RASGRP4: variants seen among roughly 807,000 people sequenced by gnomAD.
RASGRP4 encodes RAS guanyl-releasing protein 4.
A neutral mutation model predicts 84.4 loss-of-function variants in RASGRP4; 52 were observed. That is an observed-to-expected ratio of 0.62 (90% CI 0.49 to 0.78). RASGRP4 has a LOEUF of 0.78. Ranked by LOEUF, RASGRP4 falls within the 30% of genes least tolerant of loss-of-function variation. The probability of loss-of-function intolerance (pLI) is 0.00; values close to 1 mark genes in which losing one functional copy is unlikely to be tolerated. For missense variants in RASGRP4, 760 were observed against 886.9 expected, an observed-to-expected ratio of 0.86 and a Z score of 1.82; for synonymous variants, 356 against 359.1, an observed-to-expected ratio of 0.99 and a Z score of 0.10.
Position 38,412,662 on chromosome 19 carries a change from G to C in RASGRP4, c.1680+10C>G. Reference sequence around the variant, plus strand: ...GGAACCTAAGGGTGGTGATGGGGTGGGGTGCTCACGAAGCCACTGCAGCTG... The same window carrying C: ...GGAACCTAAGGGTGGTGATGGGGTGCGGTGCTCACGAAGCCACTGCAGCTG... On this transcript the variant is annotated intron_variant, in intron 13 of 16. Coordinates refer to ENST00000615439, the MANE Select transcript of RASGRP4 (RefSeq NM_170604.3). The surrounding 1 kb of genome is among the most constrained non-coding windows in gnomAD (Gnocchi z 4.6). The C allele has an allele frequency of 6.2e-7, 1 of 1,611,466 alleles. No individual in the cohort carries two copies. The highest frequency in any genetic ancestry group is 8.5e-7 in the Non-Finnish European group (1 of 1,178,692).
rs546417085 is a variant in RASGRP4, at chr19:38,412,456, A to C, written c.1680+216T>G. On this transcript the variant is annotated intron_variant, in intron 13 of 16. Coordinates refer to ENST00000615439, the MANE Select transcript of RASGRP4 (RefSeq NM_170604.3). The surrounding 1 kb of genome is among the most constrained non-coding windows in gnomAD (Gnocchi z 4.6). ...GAGTTTTAGGTATTATCCATGGTTC[A>C]GCAATTGTCTGGGGTGGACATTATC... 2.1e-4 allele frequency: 121 copies of C among 576,656 alleles called. No homozygotes were observed. Among genetic ancestry groups the C allele is most frequent in the Non-Finnish European group, 2.6e-4 (85 of 327,762 alleles). 35.7% of individuals were successfully genotyped at this position (576,656 alleles called of 1,614,324 possible). A position where few individuals can be genotyped will look rare whatever the true frequency, so the allele number is the denominator to read the frequency against.
chr19:38,426,043 G>A (rs1412269533), intron 1 of RASGRP4, 26 bp downstream of exon 1: 2 of 1,365,084 alleles, frequency 1.5e-6, no homozygotes, highest in South Asian at 2.0e-5. Context: ...GGGTGCTGCC[G>A]GGCTCCCTGG....
At position 38,412,493 on chromosome 19, in the gene RASGRP4, G is replaced by T. The variant is rs867529775; in HGVS notation, c.1680+179C>A. On this transcript the variant is annotated intron_variant, in intron 13 of 16. Transcript: ENST00000615439. This position sits in a 1 kb window ranked among gnomAD's most constrained non-coding sequence, Gnocchi z 4.6. ...GGGTGGACATTATCTGGGATTTTGG[G>T]ATTATCTGGCATTTGGAGATTATCC... 5 of 641,066 alleles carry T rather than the reference G, an allele frequency of 7.8e-6. No individual in the cohort carries two copies. Among genetic ancestry groups the T allele is most frequent in the Middle Eastern group, 8.4e-4 (2 of 2,368 alleles). 39.7% of individuals were successfully genotyped at this position (641,066 alleles called of 1,614,324 possible).
At chr19:38,420,333 T>C in intron 4 of RASGRP4, 71 bp from the exon 5 acceptor site, 1 of 1,539,468 alleles carries the variant, frequency 6.5e-7, no homozygotes, top group Admixed American at 2.0e-5. Context: ...TATTTTGGGC[T>C]GAGGAATTTC....
At chr19:38,424,782 T>G (rs1442270715) in intron 1 of RASGRP4, among the ~76,000 whole-genome samples, 1 of 152,112 alleles carries the variant, frequency 6.6e-6, no homozygotes, top group African/African-American at 2.4e-5. Context: ...AGGAGCATTC[T>G]AACTAAGTCA....
At chr19:38,422,439 T>A (rs925519531) in intron 1 of RASGRP4, among the ~76,000 whole-genome samples, 13 of 152,148 alleles carry the variant, frequency 8.5e-5, no homozygotes, top group African/African-American at 2.4e-4. Context: ...CCCCAGCCCC[T>A]GGGACACAGA....
chr19:38,419,519 G>A (rs899918362), intron 6 of RASGRP4, among the ~76,000 whole-genome samples: 13 of 152,052 alleles, frequency 8.5e-5, no homozygotes, highest in Non-Finnish European at 1.3e-4. Flanking sequence ...TGTAATCTCC[G>A]CCTCCTGAGG....
chr19:38,425,175 C>A (rs1433957638), intron 1 of RASGRP4, among the ~76,000 whole-genome samples: 1 of 147,254 alleles, frequency 6.8e-6, no homozygotes, highest in East Asian at 2.0e-4. Flanking sequence ...CAGAGCGAGA[C>A]TCCGTCTCAA....
At chr19:38,416,571 C>T (rs1350423772) in intron 8 of RASGRP4, among the ~76,000 whole-genome samples, 2 of 151,950 alleles carry the variant, frequency 1.3e-5, no homozygotes, top group Non-Finnish European at 2.9e-5. Flanking sequence ...TCTTGGCCTC[C>T]CAAAACGCTG....
In RASGRP4 at chr19:38,410,029, C is replaced by T. The variant is rs569997501; in HGVS notation, c.*11G>A. 6 of 1,608,722 alleles carry T rather than the reference C, an allele frequency of 3.7e-6. No individual in the cohort carries two copies. In the South Asian group the frequency reaches 4.4e-5, roughly 12 times the overall value. Reference sequence around the variant, plus strand: ...GGAAGGGAGTGAGGAAGAGAGGAGACCAAGAGATGTCTAGGAATCCAGCTT... The same window carrying T: ...GGAAGGGAGTGAGGAAGAGAGGAGATCAAGAGATGTCTAGGAATCCAGCTT... On this transcript the variant is annotated 3_prime_UTR_variant, in exon 17 of 17. Coordinates refer to ENST00000615439, the MANE Select transcript of RASGRP4 (RefSeq NM_170604.3).
chr19:38,419,643 A>G (rs749025082), intron 6 of RASGRP4, among the ~76,000 whole-genome samples: 2 of 152,214 alleles, frequency 1.3e-5, no homozygotes, highest in Admixed American at 6.5e-5. Flanking sequence ...CATGTTGGCC[A>G]GGCTGGTCTC....
At chr19:38,410,864 G>C in intron 16 of RASGRP4, 22 bp downstream of exon 16, 1 of 1,528,832 alleles carries the variant, frequency 6.5e-7, no homozygotes, top group South Asian at 1.2e-5. Flanking sequence ...TCCACTTGGG[G>C]GTAGGGGCGG....
chr19:38,422,186 C>T lies in RASGRP4; in HGVS notation c.24-33G>A, dbSNP rs78529732. The T allele has an allele frequency of 5.1e-6, 8 of 1,569,924 alleles. No homozygotes were observed. In the African/African-American group the frequency reaches 1.1e-4, roughly 21 times the overall value. ...CACAGCCCCCAAGGAGTCATGGGAG[C>T]ACCTTCTTTCGGACAGACCCTAGAA... On this transcript the variant is annotated intron_variant, in intron 1 of 16. Transcript: ENST00000615439.
intron 1 of RASGRP4, among the ~76,000 whole-genome samples, chr19:38,425,820 T>C (rs1220617031): frequency 2.0e-5 from 3 of 151,502 alleles, no homozygotes; most frequent in Admixed American, 6.6e-5. Flanking sequence ...GGGATGGAGG[T>C]GGGGTGATGA....
chr19:38,422,707 A>G (rs1265653879), intron 1 of RASGRP4, among the ~76,000 whole-genome samples: 1 of 152,090 alleles, frequency 6.6e-6, no homozygotes, highest in Non-Finnish European at 1.5e-5. Context: ...GGGAGCATCC[A>G]GTTGCAGGAA....
intron 4 of RASGRP4, 121 bp from the exon 5 acceptor site, chr19:38,420,383 T>G: frequency 7.6e-5 from 76 of 994,790 alleles, no homozygotes; most frequent in Middle Eastern, 6.7e-4. Flanking sequence ...TGTGTGGGGG[T>G]CCCTGGAGGG....
chr19:38,419,734 T>A, intron 6 of RASGRP4, 126 bp downstream of exon 6: 1 of 1,006,704 alleles, frequency 9.9e-7, no homozygotes, highest in Non-Finnish European at 1.5e-6. Context: ...AGGTTTGAGT[T>A]TAAGACTTTG....
At chr19:38,422,585 G>A (rs1291554625) in intron 1 of RASGRP4, among the ~76,000 whole-genome samples, 1 of 151,970 alleles carries the variant, frequency 6.6e-6, no homozygotes, top group Non-Finnish European at 1.5e-5. Flanking sequence ...CACATGCGAG[G>A]GATCTAGGCT....
Position 38,412,703 on chromosome 19 carries a change from T to G in RASGRP4, c.1649A>C (p.Lys550Thr), listed in dbSNP as rs774679294. Residue 550 changes from lysine to threonine, a missense_variant, in exon 13 of 17, where the codon AAG becomes ACG. Physicochemically the swap from Lys to Thr is moderately conservative, Grantham distance 78. Transcript: ENST00000615439. The surrounding 1 kb of genome is among the most constrained non-coding windows in gnomAD (Gnocchi z 4.6). ...LHTFHEVTFRKPTFCDSCSGF... is the reference protein window; with the variant it reads ...LHTFHEVTFRTPTFCDSCSGF... ...ACTGCAGCTGTCGCAGAAGGTAGGC[T>G]TTCGGAAGGTGACCTCATGGAAGGT... 6.2e-7 allele frequency: 1 copy of G among 1,613,314 alleles called. No individual in the cohort carries two copies.
Sources: gnomAD v4.1 joint callset for allele counts (sites outside exome capture counted in the v4.1 genomes callset) on GRCh38, gnomAD v4.1.1 for gene constraint, Gnocchi (gnomAD v3.1) non-coding constraint, MANE v1.5 for transcripts, NCBI Gene and HGNC (gene_info 2026-07-23, HGNC 2026-07-21) for gene names.